Variants in HMCN1 observed in about 807,000 individuals in gnomAD.
HMCN1 encodes the protein hemicentin 1.
In HMCN1, 321 loss-of-function variants were observed where a neutral mutation model predicts 625.9. The ratio of observed to expected loss-of-function variants is 0.51; its 90% CI spans 0.47 to 0.56. The LOEUF is 0.56. Among genes scored for constraint, HMCN1 ranks in the 20% least tolerant of loss-of-function variants. The pLI, the probability that HMCN1 is intolerant of heterozygous loss-of-function variation, is 0.00. For synonymous variants in HMCN1, 2,425 were observed against 2,417.6 expected, an observed-to-expected ratio of 1.00 and a Z score of -0.09; for missense variants, 6,588 against 6,887.3, an observed-to-expected ratio of 0.96 and a Z score of 1.54.
At chr1:185,900,414 T>A (rs1665736213) in intron 4 of HMCN1, among the ~76,000 whole-genome samples, 1 of 151,914 alleles carries the variant, frequency 6.6e-6, no homozygotes, top group Non-Finnish European at 1.5e-5. Context: ...TTATAAAGAT[T>A]AGAGGGGATC....
At chr1:185,782,995 C>G (rs981598447) in intron 1 of HMCN1, among the ~76,000 whole-genome samples, 1 of 152,174 alleles carries the variant, frequency 6.6e-6, no homozygotes, top group Non-Finnish European at 1.5e-5. Flanking sequence ...ATCAGACGCA[C>G]ATTTGGTCTT....
chr1:185,965,135 TTAAG>T, intron 13 of HMCN1, among the ~76,000 whole-genome samples: 1 of 152,202 alleles, frequency 6.6e-6, no homozygotes, highest in Non-Finnish European at 1.5e-5. Context: ...GAGAAAATGT[TTAAG>T]TAAACTGAAC....
rs747206175 is a variant in HMCN1, at chr1:186,106,940, T to C, written c.10827T>C (p.Asp3609=). 6.2e-7 allele frequency: 1 copy of C among 1,611,744 alleles called. No homozygotes were observed. Among genetic ancestry groups the C allele is most frequent in the Non-Finnish European group, 8.5e-7 (1 of 1,177,862 alleles). ...CLASSPAGDD[D]KEYLVRVHVP... is the part of the protein sequence containing the mutation. ...CATCCAGTCCTGCAGGAGATGATGA[T>C]AAGGAATATCTAGTGAGAGTGCATG... Residue 3609 remains aspartate (D), a synonymous_variant, in exon 70 of 107, where the codon GAT becomes GAC. Transcript: ENST00000271588.
intron 1 of HMCN1, among the ~76,000 whole-genome samples, chr1:185,816,753 G>A (rs1430000365): frequency 6.6e-6 from 1 of 152,158 alleles, no homozygotes; most frequent in Non-Finnish European, 1.5e-5. Flanking sequence ...CAGGAGAAGT[G>A]CCTGGAATTG....
Position 185,734,542 on chromosome 1 carries a change from GTC to G in HMCN1, c.-237_-236del. 1 of 543,216 alleles carries G rather than the reference GTC, an allele frequency of 1.8e-6. No individual in the cohort carries two copies. Among genetic ancestry groups the G allele is most frequent in the Non-Finnish European group, 3.3e-6 (1 of 303,106 alleles). The allele number at this position is 543,216 out of a possible 1,614,324, so 33.6% of individuals were successfully genotyped here. A position where few individuals can be genotyped will look rare whatever the true frequency, so the allele number is the denominator to read the frequency against. On this transcript the variant is annotated 5_prime_UTR_variant, in exon 1 of 107. Coordinates refer to ENST00000271588, the MANE Select transcript of HMCN1 (RefSeq NM_031935.3). Reference sequence around the variant, plus strand: ...GTCCAGGGCCCGCGGGCAGATAGCAGTCCAGGAGGAAGCCGCATCCAGACAAA... The same window carrying G: ...GTCCAGGGCCCGCGGGCAGATAGCAGCAGGAGGAAGCCGCATCCAGACAAA...
chr1:185,898,899 A>C (rs1196589577), intron 4 of HMCN1, among the ~76,000 whole-genome samples: 2 of 151,906 alleles, frequency 1.3e-5, no homozygotes, highest in Non-Finnish European at 2.9e-5. Flanking sequence ...AAAAAAAAAA[A>C]TCAGACATTG....
intron 9 of HMCN1, 82 bp from the exon 10 acceptor site, chr1:185,928,464 C>T: frequency 8.5e-7 from 1 of 1,172,996 alleles, no homozygotes; most frequent in South Asian, 1.2e-5. Flanking sequence ...TTGAATGAAC[C>T]TTCAAAAGAA....
chr1:186,114,942 C>A lies in HMCN1; in HGVS notation c.11400C>A (p.Val3800=). The stretch of plus-strand genomic sequence containing the variant: ...ATCGCAGGCGAATAGATTTACAGGT[C>A]CATGGTAAATATCCGTTTATAGACA... ...GTDRRRIDLQ[V]HVPPSIAPGP... is the part of the protein sequence containing the mutation. The change falls in exon 74 of 107, where the codon GTC becomes GTA. Residue 3800 remains valine, a synonymous_variant. Transcript: ENST00000271588. 6.2e-7 allele frequency: 1 copy of A among 1,614,108 alleles called. No individual in the cohort carries two copies. The highest frequency in any genetic ancestry group is 8.5e-7 in the Non-Finnish European group (1 of 1,180,002).
At chr1:186,050,292 CAGAAAT>C (rs1201247457) in intron 42 of HMCN1, among the ~76,000 whole-genome samples, 1 of 151,694 alleles carries the variant, frequency 6.6e-6, no homozygotes, top group Non-Finnish European at 1.5e-5. Flanking sequence ...TCCCTGCAAC[CAGAAAT>C]AGAAACTTAT....
chr1:185,872,426 A>G (rs899450518), intron 4 of HMCN1, among the ~76,000 whole-genome samples: 1 of 152,186 alleles, frequency 6.6e-6, no homozygotes, highest in Admixed American at 6.5e-5. Context: ...AGATAAAACA[A>G]AAAATGAAGT....
At chr1:186,089,282 T>C (rs527945386) in intron 63 of HMCN1, among the ~76,000 whole-genome samples, 2 of 152,168 alleles carry the variant, frequency 1.3e-5, no homozygotes, top group South Asian at 4.1e-4. Flanking sequence ...TTGTTTTCTT[T>C]TGATTTTCAG....
At chr1:185,954,633 A>G (rs1305987799) in intron 11 of HMCN1, among the ~76,000 whole-genome samples, 2 of 152,120 alleles carry the variant, frequency 1.3e-5, no homozygotes, top group African/African-American at 4.8e-5. Context: ...GTATGACCCC[A>G]CTTAAAAAAA....
At chr1:186,010,167 G>T (rs891238921) in intron 30 of HMCN1, among the ~76,000 whole-genome samples, 3 of 151,930 alleles carry the variant, frequency 2.0e-5, no homozygotes, top group Admixed American at 1.3e-4. Flanking sequence ...GTCTTGAGGG[G>T]TGTGCGTGTC....
chr1:186,086,848 A>G (rs536280458), intron 58 of HMCN1, among the ~76,000 whole-genome samples: 1 of 115,292 alleles, frequency 8.7e-6, no homozygotes, highest in South Asian at 2.6e-4. Context: ...AGATAGATAG[A>G]TAGATAGATA....
intron 57 of HMCN1, 34 bp from the exon 58 acceptor site, chr1:186,086,212 C>G: frequency 6.4e-7 from 1 of 1,573,510 alleles, no homozygotes; most frequent in Non-Finnish European, 8.7e-7. Flanking sequence ...GTTGATAACA[C>G]CTGCTTTCAC....
chr1:186,078,226 T>C lies in HMCN1; in HGVS notation c.8599+6T>C, dbSNP rs545019655. The C allele has an allele frequency of 4.0e-5, 63 of 1,588,068 alleles. No homozygotes were observed. The South Asian group carries it at 6.4e-4, about 16-fold the overall frequency. ...ATATGATGTCCGTGTACTCGGTGAG[T>C]TTTTCTTTTGTTTATTGTTCATTCT... On this transcript the variant is annotated splice_donor_region_variant and intron_variant, in intron 55 of 106. Coordinates refer to ENST00000271588, the MANE Select transcript of HMCN1 (RefSeq NM_031935.3).
At chr1:185,769,597 T>C (rs1037556256) in intron 1 of HMCN1, among the ~76,000 whole-genome samples, 7 of 152,204 alleles carry the variant, frequency 4.6e-5, no homozygotes, top group African/African-American at 1.7e-4. Context: ...CTATATTAGT[T>C]AGCTTTTGCT....
At chr1:185,846,230 G>A (rs1403906166) in intron 2 of HMCN1, 134 bp downstream of exon 2, 1 of 683,046 alleles carries the variant, frequency 1.5e-6, no homozygotes, top group East Asian at 2.7e-5. Context: ...ACATCCCCCA[G>A]CCCTCAACCT....
At chr1:186,151,896 C>G (rs532615507) in intron 95 of HMCN1, among the ~76,000 whole-genome samples, 153 bp downstream of exon 95, 1 of 152,180 alleles carries the variant, frequency 6.6e-6, no homozygotes, top group Non-Finnish European at 1.5e-5. Flanking sequence ...TTCCTGTAAA[C>G]TTGTACTAAC....
Sources: gnomAD v4.1 joint callset for allele counts (sites outside exome capture counted in the v4.1 genomes callset) on GRCh38, gnomAD v4.1.1 for gene constraint, MANE v1.5 for transcripts, NCBI Gene and HGNC (gene_info 2026-07-23, HGNC 2026-07-21) for gene names.